Variants in SDK1 observed in about 807,000 individuals in gnomAD.
The protein encoded by SDK1 is protein sidekick-1.
Under a neutral mutation model 245.5 loss-of-function variants are expected in SDK1, and 157 were observed. That is an observed-to-expected ratio of 0.64 (90% CI 0.56 to 0.73). The LOEUF is 0.73. Among genes scored for constraint, SDK1 ranks in the 30% least tolerant of loss-of-function variants. The pLI, the probability that SDK1 is intolerant of heterozygous loss-of-function variation, is 0.00. For missense variants in SDK1, 3,583 were observed against 3,002.3 expected (o/e 1.19, Z -4.52); for synonymous variants, 1,647 against 1,278.5 (o/e 1.29, Z -6.15).
At chr7:3,467,497 A>T (rs2128597206) in intron 1 of SDK1, among the ~76,000 whole-genome samples, 1 of 151,860 alleles carries the variant, frequency 6.6e-6, no homozygotes, top group African/African-American at 2.4e-5. Flanking sequence ...TTTGATTGGT[A>T]TTTGGAGAAA....
intron 5 of SDK1, among the ~76,000 whole-genome samples, chr7:3,848,964 C>T (rs1780350454): frequency 6.6e-6 from 1 of 152,224 alleles, no homozygotes; most frequent in Admixed American, 6.5e-5. Flanking sequence ...GCCGCCGCGC[C>T]CGGCCTGGAG....
Position 3,450,325 on chromosome 7 carries a change from T to G in SDK1, c.298+148441T>G, listed in dbSNP as rs893215371. On this transcript the variant is annotated intron_variant, in intron 1 of 44. Coordinates refer to ENST00000404826, the MANE Select transcript of SDK1 (RefSeq NM_152744.4). ...GGGGAGTGGTCTCTTCACTGCTGTT[T>G]AGAAGGACTTCTCTGGACAAATGTG... Among the ~76,000 whole-genome samples the G allele has an allele frequency of 1.1e-4, 17 of 152,236 alleles. 1 individual carries two copies. The highest frequency in any genetic ancestry group is 4.6e-4 in the Admixed American group (7 of 15,284).
chr7:3,468,510 A>G (rs1224724241), intron 1 of SDK1, among the ~76,000 whole-genome samples: 1 of 152,278 alleles, frequency 6.6e-6, no homozygotes, highest in East Asian at 1.9e-4. Flanking sequence ...ACCTAAAAGT[A>G]TTACTCTAAC....
chr7:3,735,241 T>A (rs766696004), intron 4 of SDK1, among the ~76,000 whole-genome samples: 2 of 152,218 alleles, frequency 1.3e-5, no homozygotes, highest in Non-Finnish European at 2.9e-5. Flanking sequence ...TTAAGTATGT[T>A]CCCATTGTTG....
At chr7:4,008,278 C>G (rs533350996) in intron 14 of SDK1, among the ~76,000 whole-genome samples, 1 of 152,364 alleles carries the variant, frequency 6.6e-6, no homozygotes, top group African/African-American at 2.4e-5. Context: ...TTTGTTTACC[C>G]ATTCATCCAT....
chr7:3,994,460 A>C (rs980934275), intron 14 of SDK1, among the ~76,000 whole-genome samples: 1 of 152,094 alleles, frequency 6.6e-6, no homozygotes, highest in African/African-American at 2.4e-5. Flanking sequence ...TGGGCAACAT[A>C]GCAAGACCCC....
In SDK1 at chr7:4,053,745, C is replaced by T. The variant is rs28514331; in HGVS notation, c.2911+1915C>T. On this transcript the variant is annotated intron_variant, in intron 19 of 44. Coordinates refer to ENST00000404826, the MANE Select transcript of SDK1 (RefSeq NM_152744.4). ...AGGAATAGAACATGGATTTCTTGAC[C>T]CTCTGAGACCAACAATCAATCCCTC... Among the ~76,000 whole-genome samples the T allele has an allele frequency of 7.9e-3, 1,201 of 152,168 alleles. 18 individuals are homozygous for T. The highest frequency in any genetic ancestry group is 0.027 in the African/African-American group (1,131 of 41,524).
In SDK1 at chr7:4,155,074, G is replaced by A. The variant is rs369844686; in HGVS notation, c.4626-3374G>A. 3.8e-4 allele frequency among the ~76,000 whole-genome samples: 58 copies of A among 151,996 alleles called. No homozygotes were observed. The South Asian group carries it at 0.01, about 26-fold the overall frequency. On this transcript the variant is annotated intron_variant, in intron 30 of 44. Transcript: ENST00000404826. ...GGGTGAGTGCACAGAGGATGCTACC[G>A]TCTCTAGTACTGCAGAGCCAGGAGA...
rs10536828 is a variant in SDK1, at chr7:4,193,372, T to TTATATATATA, written c.5099-12490_5099-12481dup. ...AATATATTTATATATATTAAAATATTTATATATATATATATATATATATAT... is the reference window on the plus strand; with the variant it reads ...AATATATTTATATATATTAAAATATTTATATATATATATATATATATATATATATATATAT... On this transcript the variant is annotated intron_variant, in intron 35 of 44. Transcript: ENST00000404826. Among the ~76,000 whole-genome samples, 617 of 102,994 alleles carry TTATATATATA rather than the reference T, an allele frequency of 6.0e-3. 7 individuals carry two copies. Among genetic ancestry groups the TTATATATATA allele is most frequent in the African/African-American group, 0.023 (583 of 25,606 alleles). 67.6% of individuals were successfully genotyped at this position (102,994 alleles called of 152,430 possible).
chr7:3,851,046 C>A (rs1428191446), intron 5 of SDK1, among the ~76,000 whole-genome samples: 1 of 151,980 alleles, frequency 6.6e-6, no homozygotes, highest in Admixed American at 6.6e-5. Context: ...TTCTAAGCAT[C>A]CTCTGAGTTC....
At chr7:3,403,238 C>CA (rs1169215490) in intron 1 of SDK1, among the ~76,000 whole-genome samples, 2 of 152,102 alleles carry the variant, frequency 1.3e-5, no homozygotes, top group African/African-American at 4.8e-5. Flanking sequence ...CTGACCTATA[C>CA]TTCTGTTTCT....
chr7:3,857,114 TATAGAGGGAAAACTTATCTAA>T (rs1583482400), intron 5 of SDK1, among the ~76,000 whole-genome samples: 1 of 152,026 alleles, frequency 6.6e-6, no homozygotes. Context: ...GTCACCTGGG[TATAGAGGGAAAACTTATCTAA>T]ATAGAGGAAA....
At chr7:3,938,684 G>A (rs537872162) in intron 5 of SDK1, among the ~76,000 whole-genome samples, 238 of 148,880 alleles carry the variant, frequency 1.6e-3, no homozygotes, top group African/African-American at 5.5e-3. Flanking sequence ...GTTGTTTCTT[G>A]AATCAGATAT....
chr7:3,557,326 C>T (rs1779618976), intron 1 of SDK1, among the ~76,000 whole-genome samples: 1 of 152,132 alleles, frequency 6.6e-6, no homozygotes, highest in African/African-American at 2.4e-5. Flanking sequence ...CACACATTTT[C>T]CAACTAAGAA....
intron 1 of SDK1, among the ~76,000 whole-genome samples, chr7:3,605,450 G>C (rs958560605): frequency 6.6e-6 from 1 of 152,152 alleles, no homozygotes. Flanking sequence ...CATTGCTCAG[G>C]CATGTAAGAC....
intron 2 of SDK1, among the ~76,000 whole-genome samples, chr7:3,635,669 C>T (rs1369892936): frequency 6.6e-6 from 1 of 151,976 alleles, no homozygotes; most frequent in Non-Finnish European, 1.5e-5. Context: ...TTTTCTTCTC[C>T]CCTTTTTGGA....
intron 32 of SDK1, among the ~76,000 whole-genome samples, chr7:4,162,844 A>C (rs1470524659): frequency 6.6e-6 from 1 of 152,176 alleles, no homozygotes; most frequent in Non-Finnish European, 1.5e-5. Context: ...CCTTAGTTTC[A>C]ATTTTGGGCA....
At chr7:4,079,135 C>G (rs1780893978) in intron 21 of SDK1, among the ~76,000 whole-genome samples, 1 of 152,216 alleles carries the variant, frequency 6.6e-6, no homozygotes, top group Non-Finnish European at 1.5e-5. Context: ...TTCATCCTTT[C>G]CTCATTCAGC....
chr7:3,658,140 T>C (rs1446568410), intron 4 of SDK1, among the ~76,000 whole-genome samples: 1 of 152,204 alleles, frequency 6.6e-6, no homozygotes, highest in Non-Finnish European at 1.5e-5. Flanking sequence ...ACAGGACTTT[T>C]ACTTTGGTGC....
Sources: gnomAD v4.1 joint callset for allele counts (sites outside exome capture counted in the v4.1 genomes callset) on GRCh38, gnomAD v4.1.1 for gene constraint, MANE v1.5 for transcripts, NCBI Gene and HGNC (gene_info 2026-07-23, HGNC 2026-07-21) for gene names.